Variants in SLCO1B3 observed in about 807,000 individuals in gnomAD.
SLCO1B3 encodes the protein solute carrier organic anion transporter family member 1B3, also known as liver-specific organic anion transporter 2.
In SLCO1B3, 72 loss-of-function variants were observed where a neutral mutation model predicts 71.8. That is an observed-to-expected ratio of 1.00 (90% CI 0.83 to 1.22). The LOEUF is 1.22. Among genes scored for constraint, SLCO1B3 ranks in the 50% most tolerant of loss-of-function variants. SLCO1B3 has a pLI of 0.00. For missense variants in SLCO1B3, 911 were observed against 819.7 expected (o/e 1.11, Z -1.36); for synonymous variants, 298 against 278.4 (o/e 1.07, Z -0.70).
intron 3 of SLCO1B3, among the ~76,000 whole-genome samples, chr12:20,830,419 T>C (rs7133030): frequency 6.6e-6 from 1 of 151,910 alleles, no homozygotes; most frequent in Non-Finnish European, 1.5e-5. Context: ...TGAGGGTATG[T>C]TCACAATTCT....
At chr12:20,887,441 G>A (rs571989398) in intron 13 of SLCO1B3, among the ~76,000 whole-genome samples, 11 of 151,824 alleles carry the variant, frequency 7.2e-5, no homozygotes, top group South Asian at 6.2e-4. Context: ...ATCTCATTAC[G>A]GTTTTAATTT....
chr12:20,888,034 G>A (rs761765376), intron 13 of SLCO1B3, among the ~76,000 whole-genome samples: 4 of 151,946 alleles, frequency 2.6e-5, no homozygotes, highest in Non-Finnish European at 1.5e-5. Flanking sequence ...TCAGTATGTT[G>A]TAGGTATGTG....
chr12:20,820,285 C>T (rs528537397), intron 3 of SLCO1B3, among the ~76,000 whole-genome samples: 7 of 151,958 alleles, frequency 4.6e-5, no homozygotes, highest in South Asian at 2.1e-4. Flanking sequence ...TCAGCCGCTA[C>T]GCCAAGAAGG....
intron 13 of SLCO1B3, among the ~76,000 whole-genome samples, chr12:20,888,535 T>A (rs565658151): frequency 1.3e-5 from 2 of 152,072 alleles, no homozygotes; most frequent in African/African-American, 4.8e-5. Context: ...TGTACATTGG[T>A]TTTGTATCCT....
At chr12:20,898,340 AC>A in intron 13 of SLCO1B3, 95 bp from the exon 14 acceptor site, 2 of 775,684 alleles carry the variant, frequency 2.6e-6, no homozygotes, top group Non-Finnish European at 4.6e-6. Flanking sequence ...TATTCATTCT[AC>A]CAGGGAGAGG....
In SLCO1B3 at chr12:20,859,855, A is replaced by G. The variant is rs143573101; in HGVS notation, c.360-1162A>G. On this transcript the variant is annotated intron_variant, in intron 5 of 15. Coordinates refer to ENST00000381545, the MANE Select transcript of SLCO1B3 (RefSeq NM_019844.4). ...AATACTTTTCTTCCTTTGTCTACCA[A>G]TTTGAATTCTACCCATCTTCAATAT... Among the ~76,000 whole-genome samples, 449 of 151,598 alleles carry G rather than the reference A, an allele frequency of 3.0e-3. 4 individuals carry two copies. The highest frequency in any genetic ancestry group is 0.01 in the African/African-American group (418 of 41,298).
intron 15 of SLCO1B3, among the ~76,000 whole-genome samples, chr12:20,908,041 T>TA (rs1288825677): frequency 6.6e-6 from 1 of 152,152 alleles, no homozygotes; most frequent in Non-Finnish European, 1.5e-5. Flanking sequence ...AAAAGGCCAC[T>TA]AAAACATTGT....
intron 15 of SLCO1B3, among the ~76,000 whole-genome samples, chr12:20,910,393 A>G (rs1866349199): frequency 6.6e-6 from 1 of 152,136 alleles, no homozygotes; most frequent in African/African-American, 2.4e-5. Flanking sequence ...TATCAGTCCT[A>G]TTATTGTGTT....
intron 3 of SLCO1B3, among the ~76,000 whole-genome samples, chr12:20,817,660 T>G (rs1013943855): frequency 6.6e-6 from 1 of 152,120 alleles, no homozygotes; most frequent in Non-Finnish European, 1.5e-5. Context: ...TGATCTCGGC[T>G]CACTGCAAGC....
rs190650167 is a variant in SLCO1B3 at position 20,908,830 on chromosome 12, A to C, written c.1866-7174A>C. Among the ~76,000 whole-genome samples the C allele has an allele frequency of 1.0e-3, 153 of 152,342 alleles. 1 individual carries two copies. The highest frequency in any genetic ancestry group is 3.5e-3 in the African/African-American group (144 of 41,584). ...TTGCAGGTTTGGGCAATTATAAATA[A>C]AAGTTAATAATAAAAGTTATCCATG... On this transcript the variant is annotated intron_variant, in intron 15 of 15. Transcript: ENST00000381545.
intron 10 of SLCO1B3, 114 bp from the exon 11 acceptor site, chr12:20,879,321 TA>T: frequency 1.4e-6 from 1 of 727,596 alleles, no homozygotes; most frequent in Non-Finnish European, 2.1e-6. Flanking sequence ...ACCCTTCTCT[TA>T]AAGAAATAAG....
intron 15 of SLCO1B3, among the ~76,000 whole-genome samples, chr12:20,904,616 C>G (rs1245771814): frequency 1.3e-5 from 2 of 151,970 alleles, no homozygotes; most frequent in African/African-American, 4.8e-5. Flanking sequence ...TGGCCCTCTT[C>G]TTATAGCTCC....
chr12:20,876,120 C>T (rs1356863113), intron 9 of SLCO1B3, among the ~76,000 whole-genome samples: 2 of 150,790 alleles, frequency 1.3e-5, no homozygotes, highest in Non-Finnish European at 1.5e-5. Context: ...TATAATCTTA[C>T]CTAAGTATTC....
At chr12:20,880,040 A>G (rs1371543436) in intron 11 of SLCO1B3, among the ~76,000 whole-genome samples, 7 of 151,910 alleles carry the variant, frequency 4.6e-5, no homozygotes, top group Non-Finnish European at 7.4e-5. Flanking sequence ...TAAATTATCA[A>G]TCTCCTTATT....
intron 15 of SLCO1B3, among the ~76,000 whole-genome samples, chr12:20,912,816 C>G: frequency 1.5e-5 from 2 of 135,870 alleles, no homozygotes; most frequent in South Asian, 6.0e-4. Context: ...GCCACTGCGC[C>G]CAGCCTTTTT....
intron 8 of SLCO1B3, among the ~76,000 whole-genome samples, chr12:20,873,659 T>C (rs974011152): frequency 2.8e-4 from 42 of 152,362 alleles, no homozygotes; most frequent in African/African-American, 9.4e-4. Flanking sequence ...ACAGGTTTGT[T>C]ACATAGGTAA....
Position 20,875,263 on chromosome 12 carries a change from T to C in SLCO1B3, c.756T>C (p.Ser252=), listed in dbSNP as rs1865554495. 1 of 1,613,154 alleles carries C rather than the reference T, an allele frequency of 6.2e-7. No homozygotes were observed. The highest frequency in any genetic ancestry group is 8.5e-7 in the Non-Finnish European group (1 of 1,179,702). Reference sequence around the variant, plus strand: ...CTATCAGAATAACTCCTAAGGACTCTCGTTGGGTTGGAGCTTGGTGGCTTG... The same window carrying C: ...CTATCAGAATAACTCCTAAGGACTCCCGTTGGGTTGGAGCTTGGTGGCTTG... ...LSTIRITPKD[S]RWVGAWWLGF... Residue 252 remains serine, a synonymous_variant, in exon 9 of 16, where the codon TCT becomes TCC. Transcript: ENST00000381545.
intron 9 of SLCO1B3, 35 bp from the exon 10 acceptor site, chr12:20,877,737 T>C (rs1160473298): frequency 2.1e-6 from 2 of 936,574 alleles, no homozygotes; most frequent in Non-Finnish European, 2.9e-6. Context: ...ATATATATTT[T>C]ATTATTGAAA....
At chr12:20,847,508 T>C (rs1436436422) in intron 3 of SLCO1B3, among the ~76,000 whole-genome samples, 1 of 151,490 alleles carries the variant, frequency 6.6e-6, no homozygotes, top group Non-Finnish European at 1.5e-5. Flanking sequence ...GTTGGCCCCT[T>C]GATCTCAGAC....
Sources: allele counts gnomAD v4.1 joint callset (sites outside exome capture counted in the v4.1 genomes callset), GRCh38; gene constraint gnomAD v4.1.1; transcripts MANE v1.5; gene names NCBI Gene and HGNC (gene_info 2026-07-23, HGNC 2026-07-21).